The following TMEFF2 variants were observed in gnomAD, a reference collection of about 807,000 sequenced individuals.
TMEFF2 encodes transmembrane protein with EGF like and two follistatin like domains 2.
In TMEFF2, 28 loss-of-function variants were observed where a neutral mutation model predicts 53.8. That is an observed-to-expected ratio of 0.52 (90% confidence interval 0.39 to 0.71). The LOEUF (loss-of-function observed/expected upper bound fraction) is 0.71. TMEFF2 is among the 30% of genes least tolerant of loss of function. The pLI is 0.00. For synonymous variants in TMEFF2, 162 were observed against 166.3 expected (o/e 0.97, Z 0.20); for missense variants, 353 against 455.2 (o/e 0.78, Z 2.04).
At chr2:192,176,071 C>A (rs1163775473) in intron 4 of TMEFF2, among the ~76,000 whole-genome samples, 1 of 151,374 alleles carries the variant, frequency 6.6e-6, no homozygotes, top group Non-Finnish European at 1.5e-5. Context: ...TTAAGGAAGT[C>A]TGTGGGTGGA....
At chr2:192,009,664 TTGAA>T (rs1686581143) in intron 5 of TMEFF2, among the ~76,000 whole-genome samples, 1 of 152,046 alleles carries the variant, frequency 6.6e-6, no homozygotes, top group Non-Finnish European at 1.5e-5. Context: ...AATATCATAT[TTGAA>T]TGAAGACAAA....
At chr2:192,013,471 G>A (rs74595905) in intron 5 of TMEFF2, among the ~76,000 whole-genome samples, 7 of 113,832 alleles carry the variant, frequency 6.1e-5, no homozygotes, top group Non-Finnish European at 9.2e-5. Context: ...TTTTTTTTTT[G>A]AGACAGTCTC....
At chr2:191,979,023 T>C (rs1198881452) in intron 7 of TMEFF2, among the ~76,000 whole-genome samples, 1 of 152,156 alleles carries the variant, frequency 6.6e-6, no homozygotes, top group Non-Finnish European at 1.5e-5. Context: ...ACTCTGGTCT[T>C]CTGGAGGAAA....
intron 7 of TMEFF2, among the ~76,000 whole-genome samples, chr2:191,964,206 TTC>T (rs998429234): frequency 9.3e-5 from 14 of 151,196 alleles, no homozygotes; most frequent in African/African-American, 1.7e-4. Flanking sequence ...TTCTCTTTCT[TTC>T]TCTCTTTCTG....
intron 7 of TMEFF2, among the ~76,000 whole-genome samples, chr2:191,959,573 C>A (rs183141912): frequency 2.6e-5 from 4 of 152,204 alleles, no homozygotes; most frequent in Admixed American, 2.0e-4. Context: ...AGAAAGGGGG[C>A]AAAGCCAGAT....
intron 5 of TMEFF2, among the ~76,000 whole-genome samples, chr2:192,011,074 A>G (rs1686614937): frequency 6.6e-6 from 1 of 152,170 alleles, no homozygotes; most frequent in Non-Finnish European, 1.5e-5. Flanking sequence ...GGGTCTATGT[A>G]TTTTTCACTA....
intron 4 of TMEFF2, among the ~76,000 whole-genome samples, chr2:192,072,766 G>C (rs1688320565): frequency 6.6e-6 from 1 of 151,914 alleles, no homozygotes; most frequent in African/African-American, 2.4e-5. Context: ...ACAAGCACTG[G>C]TATTGACAGC....
intron 4 of TMEFF2, among the ~76,000 whole-genome samples, chr2:192,073,429 T>TC (rs1688336769): frequency 6.7e-6 from 1 of 150,046 alleles, no homozygotes; most frequent in Admixed American, 6.7e-5. Flanking sequence ...GATTTCAACT[T>TC]TTTTTTTTTA....
At position 191,949,430 on chromosome 2, in the gene TMEFF2, A is replaced by G; in HGVS notation, c.*881T>C. 2 of 985,406 alleles carry G rather than the reference A, an allele frequency of 2.0e-6. No individual in the cohort carries two copies. The highest frequency in any genetic ancestry group is 2.4e-6 in the Non-Finnish European group (2 of 829,894). The allele number at this position is 985,406 out of a possible 1,614,324, so 61.0% of individuals were successfully genotyped here. A position where few individuals can be genotyped will look rare whatever the true frequency, so the allele number is the denominator to read the frequency against. On this transcript the variant is annotated 3_prime_UTR_variant, in exon 10 of 10. Coordinates refer to ENST00000272771, the MANE Select transcript of TMEFF2 (RefSeq NM_016192.4). ...TTCTAACTTCTTTTCAAAGAACTAT[A>G]TACTATACATATTGTATGGTGCTTT...
At chr2:191,972,005 A>T (rs1190806128) in intron 7 of TMEFF2, among the ~76,000 whole-genome samples, 2 of 152,166 alleles carry the variant, frequency 1.3e-5, no homozygotes, top group Non-Finnish European at 2.9e-5. Context: ...CAAATGCAGG[A>T]AAGAGGTGTT....
intron 4 of TMEFF2, among the ~76,000 whole-genome samples, chr2:192,078,240 T>C (rs2884024): frequency 0.09 from 13,692 of 152,172 alleles, 1,143 homozygotes; most frequent in African/African-American, 0.22. Context: ...AGTTCCATCA[T>C]CTGTAATATG....
chr2:192,138,587 C>T (rs896256097), intron 4 of TMEFF2, among the ~76,000 whole-genome samples: 2 of 152,168 alleles, frequency 1.3e-5, no homozygotes, highest in African/African-American at 4.8e-5. Flanking sequence ...GTAGCAATTT[C>T]GGGGAAATCT....
chr2:192,108,842 A>G (rs947272152), intron 4 of TMEFF2, among the ~76,000 whole-genome samples: 1 of 152,010 alleles, frequency 6.6e-6, no homozygotes, highest in African/African-American at 2.4e-5. Flanking sequence ...TAATATATAG[A>G]TACTGATGGA....
chr2:191,981,873 C>CAT (rs1685861290), intron 7 of TMEFF2, among the ~76,000 whole-genome samples: 2 of 152,148 alleles, frequency 1.3e-5, no homozygotes, highest in Admixed American at 1.3e-4. Flanking sequence ...TCATCTTCCA[C>CAT]ATGAATAGAT....
chr2:192,086,161 A>T (rs1176894264), intron 4 of TMEFF2, among the ~76,000 whole-genome samples: 1 of 152,174 alleles, frequency 6.6e-6, no homozygotes, highest in African/African-American at 2.4e-5. Context: ...TAGAGGACTC[A>T]TTGATATCTG....
intron 5 of TMEFF2, among the ~76,000 whole-genome samples, chr2:192,045,680 C>T (rs1687601535): frequency 6.6e-6 from 1 of 152,130 alleles, no homozygotes. Context: ...CAAGACCAAC[C>T]TGGCTACAGC....
chr2:192,070,209 T>A (rs1318617452), intron 4 of TMEFF2, among the ~76,000 whole-genome samples: 1 of 151,584 alleles, frequency 6.6e-6, no homozygotes, highest in Non-Finnish European at 1.5e-5. Flanking sequence ...TTTAGATTTG[T>A]GAATGAATAA....
chr2:191,985,904 C>T (rs1685964397), intron 7 of TMEFF2, among the ~76,000 whole-genome samples: 1 of 152,150 alleles, frequency 6.6e-6, no homozygotes, highest in African/African-American at 2.4e-5. Flanking sequence ...TTACTTGGAG[C>T]CACCTAACAG....
chr2:192,121,543 A>G (rs1312649391), intron 4 of TMEFF2, among the ~76,000 whole-genome samples: 2 of 152,152 alleles, frequency 1.3e-5, no homozygotes, highest in South Asian at 4.2e-4. Flanking sequence ...TTAAATGAAA[A>G]TATATCATCT....
Sources: gnomAD v4.1 joint callset for allele counts (sites outside exome capture counted in the v4.1 genomes callset) on GRCh38, gnomAD v4.1.1 for gene constraint, MANE v1.5 for transcripts, NCBI Gene and HGNC (gene_info 2026-07-23, HGNC 2026-07-21) for gene names.